The following TMEM45A variants were observed in gnomAD, a reference collection of about 807,000 sequenced individuals.
The protein encoded by TMEM45A is transmembrane protein 45A, also known as DNA polymerase-transactivated protein 4.
In TMEM45A, 25 loss-of-function variants were observed where a neutral mutation model predicts 32.0. The observed-to-expected ratio is 0.78, with a 90% CI of 0.57 to 1.09. The LOEUF is 1.09. Ranked by LOEUF, TMEM45A falls within the 50% of genes least tolerant of loss-of-function variation. TMEM45A has a pLI of 0.00. For synonymous variants in TMEM45A, 122 were observed against 114.8 expected (o/e 1.06, Z -0.40); for missense variants, 302 against 325.0 (o/e 0.93, Z 0.54).
At chr3:100,546,901 G>A (rs899629038) in intron 1 of TMEM45A, among the ~76,000 whole-genome samples, 1 of 152,136 alleles carries the variant, frequency 6.6e-6, no homozygotes, top group South Asian at 2.1e-4. Flanking sequence ...CATAGAGTAG[G>A]TCACTAAATA....
intron 1 of TMEM45A, among the ~76,000 whole-genome samples, chr3:100,544,021 C>T (rs938078377): frequency 1.3e-5 from 2 of 151,038 alleles, no homozygotes; most frequent in Non-Finnish European, 1.5e-5. Context: ...AAAAGTGGTA[C>T]ACAGAAAGCA....
intron 1 of TMEM45A, among the ~76,000 whole-genome samples, chr3:100,510,309 C>A (rs1188737736): frequency 2.0e-5 from 3 of 152,188 alleles, no homozygotes; most frequent in Non-Finnish European, 4.4e-5. Context: ...GGGTCCCTGA[C>A]CCCTGACCCC....
chr3:100,553,621 G>A (rs1386248484), intron 1 of TMEM45A, among the ~76,000 whole-genome samples: 2 of 152,152 alleles, frequency 1.3e-5, no homozygotes, highest in Non-Finnish European at 2.9e-5. Context: ...AAAGGTGGTG[G>A]TTAAGATAAT....
intron 1 of TMEM45A, among the ~76,000 whole-genome samples, chr3:100,536,513 A>C (rs532586190): frequency 5.1e-4 from 78 of 152,378 alleles, no homozygotes; most frequent in African/African-American, 1.7e-3. Context: ...TAACTGGCAT[A>C]TCATAGTTGT....
chr3:100,561,530 A>C (rs1033712015), intron 4 of TMEM45A, among the ~76,000 whole-genome samples: 1 of 152,198 alleles, frequency 6.6e-6, no homozygotes, highest in African/African-American at 2.4e-5. Flanking sequence ...ACTTATTAGC[A>C]ATGCTTTCTT....
intron 1 of TMEM45A, among the ~76,000 whole-genome samples, chr3:100,518,545 ATCT>A (rs1410673139): frequency 2.6e-5 from 4 of 152,198 alleles, no homozygotes; most frequent in Non-Finnish European, 5.9e-5. Flanking sequence ...AAGACAATAC[ATCT>A]TCTTATTTAT....
intron 1 of TMEM45A, among the ~76,000 whole-genome samples, chr3:100,509,397 C>T (rs1164061066): frequency 6.6e-6 from 1 of 152,120 alleles, no homozygotes; most frequent in African/African-American, 2.4e-5. Flanking sequence ...AAAATAAATG[C>T]AGAACTACCA....
At chr3:100,493,414 A>T (rs538250114) in intron 1 of TMEM45A, among the ~76,000 whole-genome samples, 172 of 152,192 alleles carry the variant, frequency 1.1e-3, no homozygotes, top group Middle Eastern at 6.8e-3. Context: ...AACCTGGGTT[A>T]TGCAGGTAGT....
chr3:100,558,890 TAAGCTTAAGAAATATATAGAAGGCAGAA>T (rs1380663618), intron 4 of TMEM45A, among the ~76,000 whole-genome samples: 7 of 152,316 alleles, frequency 4.6e-5, no homozygotes, highest in Admixed American at 2.6e-4. Context: ...TATAGCATAA[TAAGCTTAAGAAATATATAGAAGGCAGAA>T]AAGAGAGCAA....
rs551372649 is a variant in TMEM45A, at chr3:100,500,381, A to G, written c.-4+7453A>G. On this transcript the variant is annotated intron_variant, in intron 1 of 5. Transcript: ENST00000323523. ...TCAAGTGAAAGAATGTTCTTTTTCT[A>G]TAACACGTAACAGTGGTATTGGGTT... Among the ~76,000 whole-genome samples, 5 of 152,226 alleles carry G rather than the reference A, an allele frequency of 3.3e-5. No homozygotes were observed. In the South Asian group the frequency reaches 6.2e-4, roughly 19 times the overall value.
intron 4 of TMEM45A, among the ~76,000 whole-genome samples, chr3:100,561,726 T>G (rs189978258): frequency 6.6e-6 from 1 of 152,200 alleles, no homozygotes; most frequent in South Asian, 2.1e-4. Context: ...CCTCCAGTCA[T>G]CCTCACCGCC....
intron 1 of TMEM45A, among the ~76,000 whole-genome samples, chr3:100,512,771 A>G (rs900354941): frequency 6.6e-6 from 1 of 151,340 alleles, no homozygotes; most frequent in Admixed American, 6.6e-5. Context: ...AAATAGATGC[A>G]ATAAAAAATG....
chr3:100,534,957 G>T (rs895178122), intron 1 of TMEM45A, among the ~76,000 whole-genome samples: 4 of 116,592 alleles, frequency 3.4e-5, no homozygotes, highest in Non-Finnish European at 7.2e-5. Flanking sequence ...CTTCTGCTCA[G>T]CTCAGCTCTG....
chr3:100,532,564 A>G (rs1705665737), intron 1 of TMEM45A, among the ~76,000 whole-genome samples: 1 of 152,116 alleles, frequency 6.6e-6, no homozygotes, highest in African/African-American at 2.4e-5. Context: ...TGATCGTTTT[A>G]TTTTCCTAGG....
At chr3:100,534,782 T>C (rs945520113) in intron 1 of TMEM45A, among the ~76,000 whole-genome samples, 1 of 152,246 alleles carries the variant, frequency 6.6e-6, no homozygotes, top group Non-Finnish European at 1.5e-5. Context: ...ATTTCTGCAC[T>C]CTACCATTCA....
At chr3:100,497,633 C>G (rs1039456349) in intron 1 of TMEM45A, among the ~76,000 whole-genome samples, 2 of 152,068 alleles carry the variant, frequency 1.3e-5, no homozygotes, top group Non-Finnish European at 2.9e-5. Context: ...TTCTAGGTAC[C>G]TCATATAAGT....
At chr3:100,575,265 G>C (rs1706658144) in intron 5 of TMEM45A, among the ~76,000 whole-genome samples, 1 of 151,732 alleles carries the variant, frequency 6.6e-6, no homozygotes, top group South Asian at 2.1e-4. Flanking sequence ...TCTCACATCA[G>C]AGAAGTGGAG....
At position 100,555,406 on chromosome 3, in the gene TMEM45A, G is replaced by A; in HGVS notation, c.190+5G>A. ...TAGTTGGCATGGCTTTAACTGGTGA[G>A]TGGACCATTCTGTGTTCTATTTTTA... On this transcript the variant is annotated splice_donor_5th_base_variant and intron_variant, in intron 2 of 5. Transcript: ENST00000323523. The A allele has an allele frequency of 6.2e-7, 1 of 1,611,840 alleles. No individual in the cohort carries two copies. The highest frequency in any genetic ancestry group is 8.5e-7 in the Non-Finnish European group (1 of 1,178,634).
intron 1 of TMEM45A, among the ~76,000 whole-genome samples, chr3:100,547,685 T>C (rs1294230401): frequency 6.6e-6 from 1 of 152,016 alleles, no homozygotes; most frequent in Non-Finnish European, 1.5e-5. Flanking sequence ...CAAGCCCATA[T>C]TGTTCATGGG....
Sources: gnomAD v4.1 joint callset for allele counts (sites outside exome capture counted in the v4.1 genomes callset) on GRCh38, gnomAD v4.1.1 for gene constraint, MANE v1.5 for transcripts, NCBI Gene and HGNC (gene_info 2026-07-23, HGNC 2026-07-21) for gene names.